Variants in GAD2 observed in about 807,000 individuals in gnomAD.
GAD2 encodes the protein 65 kDa glutamic acid decarboxylase.
GAD2 carries 22 observed loss-of-function variants against 80.1 expected under a neutral mutation model. The observed-to-expected ratio is 0.27, with a 90% CI of 0.20 to 0.39. The LOEUF is 0.39. GAD2 is among the 10% of genes least tolerant of loss of function. The pLI, the probability that GAD2 is intolerant of heterozygous loss-of-function variation, is 1.00. For missense variants in GAD2, 624 were observed against 738.4 expected, an observed-to-expected ratio of 0.85 and a Z score of 1.80; for synonymous variants, 274 against 256.9, an observed-to-expected ratio of 1.07 and a Z score of -0.64.
intron 8 of GAD2, 113 bp downstream of exon 8, chr10:26,246,113 C>A: frequency 1.3e-6 from 1 of 745,692 alleles, no homozygotes. Context: ...CACCTCCCTC[C>A]CAGCCTCTGC....
intron 13 of GAD2, among the ~76,000 whole-genome samples, chr10:26,286,821 C>T (rs2132316201): frequency 6.6e-6 from 1 of 152,090 alleles, no homozygotes; most frequent in East Asian, 1.9e-4. Flanking sequence ...TGGTTTTTAC[C>T]CAGTGATTGA....
At chr10:26,267,215 A>G (rs1845083200) in intron 8 of GAD2, among the ~76,000 whole-genome samples, 4 of 152,230 alleles carry the variant, frequency 2.6e-5, no homozygotes, top group Admixed American at 2.6e-4. Context: ...TGCAAAAAAA[A>G]ATTTCTAAGA....
chr10:26,298,570 C>T (rs1834298663), intron 15 of GAD2, among the ~76,000 whole-genome samples: 1 of 152,150 alleles, frequency 6.6e-6, no homozygotes, highest in African/African-American at 2.4e-5. Context: ...AGATGATTGT[C>T]CTTAATAATT....
At chr10:26,292,364 G>A (rs1834225144) in intron 13 of GAD2, 101 bp from the exon 14 acceptor site, 1 of 822,626 alleles carries the variant, frequency 1.2e-6, no homozygotes, top group Non-Finnish European at 2.0e-6. Context: ...AGTGCCAGAC[G>A]GGGCTAAGAC....
At chr10:26,283,253 G>A (rs142234137) in intron 12 of GAD2, among the ~76,000 whole-genome samples, 2 of 152,324 alleles carry the variant, frequency 1.3e-5, no homozygotes, top group East Asian at 3.9e-4. Context: ...GCTTATTAAT[G>A]TTTCAGATGA....
chr10:26,297,062 A>T (rs1834282726), intron 15 of GAD2, among the ~76,000 whole-genome samples: 1 of 151,940 alleles, frequency 6.6e-6, no homozygotes, highest in Non-Finnish European at 1.5e-5. Flanking sequence ...TTACAGGCAC[A>T]CACCACCACA....
Position 26,273,831 on chromosome 10 carries a change from C to T in GAD2, c.1157+131C>T, listed in dbSNP as rs139840747. ...TCTATTCAGTGCTTGTGTTCCTTGC[C>T]TTATGTGGTATTACACTCATGAATG... On this transcript the variant is annotated intron_variant, in intron 11 of 15. Transcript: ENST00000376261. 91 of 687,030 alleles carry T rather than the reference C, an allele frequency of 1.3e-4. No homozygotes were observed. The African/African-American group carries it at 1.4e-3, about 11-fold the overall frequency. The allele number at this position is 687,030 out of a possible 1,614,324, so 42.6% of individuals were successfully genotyped here. A position where few individuals can be genotyped will look rare whatever the true frequency, so the allele number is the denominator to read the frequency against.
chr10:26,232,110 G>A (rs1324155845), intron 7 of GAD2, among the ~76,000 whole-genome samples: 1 of 152,120 alleles, frequency 6.6e-6, no homozygotes, highest in African/African-American at 2.4e-5. Context: ...TCTTTTCTCA[G>A]CTTCTCCAAG....
chr10:26,292,650 G>A (rs977466957), intron 14 of GAD2, 78 bp downstream of exon 14: 11 of 1,135,734 alleles, frequency 9.7e-6, no homozygotes, highest in African/African-American at 1.5e-5. Flanking sequence ...TAAATGATGT[G>A]CTGTCCAGGT....
intron 7 of GAD2, among the ~76,000 whole-genome samples, chr10:26,235,520 G>A (rs1453833680): frequency 6.6e-6 from 1 of 152,126 alleles, no homozygotes; most frequent in Non-Finnish European, 1.5e-5. Context: ...CTGTTTTCTT[G>A]TAAAACTTGA....
chr10:26,276,829 C>G (rs1845213455), intron 11 of GAD2, among the ~76,000 whole-genome samples: 1 of 152,210 alleles, frequency 6.6e-6, no homozygotes, highest in African/African-American at 2.4e-5. Context: ...TCACCAGTTG[C>G]TCTCACTCCT....
chr10:26,237,368 G>A (rs550066785), intron 7 of GAD2, among the ~76,000 whole-genome samples: 5 of 152,206 alleles, frequency 3.3e-5, no homozygotes, highest in Admixed American at 6.5e-5. Flanking sequence ...ATGACCCTTC[G>A]TCTCCTCCTC....
At chr10:26,260,382 A>G (rs987934323) in intron 8 of GAD2, among the ~76,000 whole-genome samples, 5 of 152,196 alleles carry the variant, frequency 3.3e-5, no homozygotes, top group Non-Finnish European at 7.3e-5. Context: ...TAATCCCAGC[A>G]CTTTGGAGGG....
At chr10:26,266,011 A>G (rs781564560) in intron 8 of GAD2, among the ~76,000 whole-genome samples, 15 of 152,064 alleles carry the variant, frequency 9.9e-5, no homozygotes, top group Non-Finnish European at 2.1e-4. Flanking sequence ...TTATTTAAAT[A>G]CCTCCCAGGC....
intron 8 of GAD2, among the ~76,000 whole-genome samples, chr10:26,254,041 A>T (rs8190674): frequency 0.019 from 2,875 of 151,972 alleles, 96 homozygotes; most frequent in African/African-American, 0.063. Flanking sequence ...TGAATTAATT[A>T]ATTTATTTAT....
At chr10:26,255,659 G>T in intron 8 of GAD2, among the ~76,000 whole-genome samples, 1 of 145,856 alleles carries the variant, frequency 6.9e-6, no homozygotes, top group Non-Finnish European at 1.5e-5. Context: ...GGAGGGGGAA[G>T]GGGAAGGAAA....
intron 7 of GAD2, among the ~76,000 whole-genome samples, chr10:26,244,455 C>T (rs990405023): frequency 2.0e-5 from 3 of 152,106 alleles, no homozygotes; most frequent in African/African-American, 4.8e-5. Context: ...TAGCATTATT[C>T]GCAATAGCCA....
intron 12 of GAD2, 57 bp from the exon 13 acceptor site, chr10:26,286,288 A>G: frequency 2.1e-6 from 3 of 1,429,918 alleles, no homozygotes; most frequent in Non-Finnish European, 2.9e-6. Context: ...ATTTTTACCA[A>G]TATAAATCTA....
chr10:26,235,029 C>A (rs1295387607), intron 7 of GAD2, among the ~76,000 whole-genome samples: 1 of 152,158 alleles, frequency 6.6e-6, no homozygotes, highest in Non-Finnish European at 1.5e-5. Context: ...CATGCCACCA[C>A]ACCTGGCTAA....
Sources: allele counts gnomAD v4.1 joint callset (sites outside exome capture counted in the v4.1 genomes callset), GRCh38; gene constraint gnomAD v4.1.1; transcripts MANE v1.5; gene names NCBI Gene and HGNC (gene_info 2026-07-23, HGNC 2026-07-21).